FIG4: variants seen among roughly 807,000 people sequenced by gnomAD.
FIG4 encodes polyphosphoinositide phosphatase.
Under a neutral mutation model 118.6 loss-of-function variants are expected in FIG4, and 112 were observed. The observed-to-expected ratio is 0.94, with a 90% confidence interval of 0.81 to 1.11. FIG4 has a LOEUF of 1.11. Ranked by LOEUF, FIG4 falls within the 50% of genes least tolerant of loss-of-function variation. FIG4 has a pLI of 0.00. For missense variants in FIG4, 969 were observed against 1,111.7 expected, an observed-to-expected ratio of 0.87 and a Z score of 1.83; for synonymous variants, 369 against 381.2, an observed-to-expected ratio of 0.97 and a Z score of 0.37.
intron 3 of FIG4, among the ~76,000 whole-genome samples, chr6:109,723,582 T>A (rs1209813357): frequency 1.3e-5 from 2 of 152,166 alleles, no homozygotes; most frequent in African/African-American, 4.8e-5. Flanking sequence ...TGGCACCATG[T>A]CCCCTGGCCT....
intron 1 of FIG4, among the ~76,000 whole-genome samples, chr6:109,697,472 G>A (rs1774765172): frequency 6.6e-6 from 1 of 152,104 alleles, no homozygotes; most frequent in Admixed American, 6.5e-5. Context: ...TGTTGACAAG[G>A]AGCTTTGCCT....
At chr6:109,695,691 T>C (rs1274363389) in intron 1 of FIG4, among the ~76,000 whole-genome samples, 1 of 152,118 alleles carries the variant, frequency 6.6e-6, no homozygotes, top group African/African-American at 2.4e-5. Context: ...CACCTGTTGG[T>C]AGCCATTGCT....
At chr6:109,799,511 TCTC>T (rs1177409006) in intron 22 of FIG4, among the ~76,000 whole-genome samples, 2 of 152,208 alleles carry the variant, frequency 1.3e-5, no homozygotes, top group African/African-American at 2.4e-5. Context: ...TTCTTGAAAT[TCTC>T]CTCTTGCTAT....
intron 10 of FIG4, among the ~76,000 whole-genome samples, chr6:109,757,928 G>C (rs1776972424): frequency 6.6e-6 from 1 of 152,080 alleles, no homozygotes. Context: ...TCTTCAAGGA[G>C]AACTACAAAC....
At chr6:109,739,888 T>G (rs1776272856) in intron 7 of FIG4, among the ~76,000 whole-genome samples, 1 of 152,164 alleles carries the variant, frequency 6.6e-6, no homozygotes, top group Non-Finnish European at 1.5e-5. Flanking sequence ...GAGGTTAGCC[T>G]TGAAGAGCAG....
intron 1 of FIG4, chr6:109,701,593 T>A: frequency 2.4e-6 from 1 of 425,340 alleles, no homozygotes; most frequent in South Asian, 1.7e-5. Flanking sequence ...GTTAGGATAA[T>A]TTTTACTCTT....
chr6:109,811,365 A>G (rs1304158291), intron 22 of FIG4, among the ~76,000 whole-genome samples: 1 of 152,182 alleles, frequency 6.6e-6, no homozygotes, highest in Non-Finnish European at 1.5e-5. Context: ...GCAGAGGCAG[A>G]TGACCTTCTA....
chr6:109,743,570 G>T, intron 9 of FIG4, 105 bp from the exon 10 acceptor site: 3 of 837,896 alleles, frequency 3.6e-6, no homozygotes, highest in South Asian at 2.8e-5. Context: ...TGAAACTATT[G>T]AAAGATTAGT....
chr6:109,753,814 G>A (rs1358320578), intron 10 of FIG4, among the ~76,000 whole-genome samples: 1 of 152,180 alleles, frequency 6.6e-6, no homozygotes, highest in East Asian at 1.9e-4. Flanking sequence ...TGCTGAAGTT[G>A]CTTATCAGCT....
intron 4 of FIG4, among the ~76,000 whole-genome samples, chr6:109,732,329 A>C (rs959004334): frequency 2.6e-5 from 4 of 152,182 alleles, no homozygotes; most frequent in African/African-American, 9.7e-5. Flanking sequence ...ATGTTGTAAA[A>C]GCAAAAACAG....
intron 3 of FIG4, among the ~76,000 whole-genome samples, chr6:109,718,861 ACT>A (rs1775517335): frequency 6.6e-6 from 1 of 152,024 alleles, no homozygotes; most frequent in African/African-American, 2.4e-5. Context: ...AATATAGTAG[ACT>A]CTAATTTAAA....
chr6:109,752,062 C>G (rs1007815709), intron 10 of FIG4, among the ~76,000 whole-genome samples: 2 of 140,468 alleles, frequency 1.4e-5, no homozygotes, highest in Non-Finnish European at 3.0e-5. Flanking sequence ...TTGTTCAGTT[C>G]CCACCTATGA....
intron 10 of FIG4, among the ~76,000 whole-genome samples, chr6:109,754,922 T>G (rs913660351): frequency 9.8e-5 from 15 of 152,308 alleles, no homozygotes; most frequent in African/African-American, 2.6e-4. Flanking sequence ...GGATTTTTTT[T>G]TGTCTCTATT....
At chr6:109,702,868 ATTC>A (rs1774946606) in intron 1 of FIG4, among the ~76,000 whole-genome samples, 1 of 152,108 alleles carries the variant, frequency 6.6e-6, no homozygotes, top group Non-Finnish European at 1.5e-5. Flanking sequence ...CCCCTTAAGT[ATTC>A]TTCTGGGTTT....
chr6:109,707,293 G>A (rs61170920), intron 1 of FIG4, among the ~76,000 whole-genome samples: 41,610 of 145,640 alleles, frequency 0.29, 6,308 homozygotes, highest in Non-Finnish European at 0.34. Context: ...ATATATATAT[G>A]TGTGTGTGTG....
At chr6:109,774,808 A>G (rs1024911406) in intron 15 of FIG4, among the ~76,000 whole-genome samples, 7 of 152,160 alleles carry the variant, frequency 4.6e-5, no homozygotes, top group South Asian at 2.1e-4. Context: ...ATTTATTTCA[A>G]TGTCTGATGT....
chr6:109,766,962 G>A lies in FIG4; in HGVS notation c.1750+67G>A, dbSNP rs1777298914. On this transcript the variant is annotated intron_variant, in intron 15 of 22. Transcript: ENST00000230124. ...GTGCATTTTTTGTATGTCTTTTAAA[G>A]CTATCTGGCTAAGTGAAATTAAAAT... The A allele has an allele frequency of 1.2e-5, 15 of 1,292,420 alleles. No homozygotes were observed. The South Asian group carries it at 1.8e-4, about 15-fold the overall frequency. 80.1% of individuals were successfully genotyped at this position (1,292,420 alleles called of 1,614,324 possible). A position where few individuals can be genotyped will look rare whatever the true frequency, so the allele number is the denominator to read the frequency against.
intron 7 of FIG4, 105 bp from the exon 8 acceptor site, chr6:109,741,338 TA>T: frequency 1.2e-6 from 1 of 811,606 alleles, no homozygotes. Context: ...TGGTGTTCTT[TA>T]AGCCATTGGA....
intron 22 of FIG4, among the ~76,000 whole-genome samples, chr6:109,815,396 G>A (rs144234668): frequency 3.7e-4 from 56 of 151,728 alleles, no homozygotes; most frequent in Non-Finnish European, 6.2e-4. Context: ...CCACATGCAT[G>A]CTCTCCTCTC....
Sources: gnomAD v4.1 joint callset for allele counts (sites outside exome capture counted in the v4.1 genomes callset) on GRCh38, gnomAD v4.1.1 for gene constraint, MANE v1.5 for transcripts, NCBI Gene and HGNC (gene_info 2026-07-23, HGNC 2026-07-21) for gene names.